The following BCAT1 variants were observed in gnomAD, a reference collection of about 807,000 sequenced individuals.
BCAT1 encodes branched chain amino acid transaminase 1.
BCAT1 carries 48 observed loss-of-function variants against 52.4 expected under a neutral mutation model. The ratio of observed to expected loss-of-function variants is 0.92; its 90% CI spans 0.73 to 1.16. The LOEUF (loss-of-function observed/expected upper bound fraction) is 1.16, where lower values mean the gene tolerates loss of function less well. Among genes scored for constraint, BCAT1 ranks in the 50% most tolerant of loss-of-function variants. The pLI, the probability that BCAT1 is intolerant of heterozygous loss-of-function variation, is 0.00. For missense variants in BCAT1, 451 were observed against 457.1 expected (o/e 0.99, Z 0.12); for synonymous variants, 167 against 161.3 (o/e 1.04, Z -0.27).
At chr12:24,869,221 T>C (rs1424436383) in intron 5 of BCAT1, among the ~76,000 whole-genome samples, 1 of 152,014 alleles carries the variant, frequency 6.6e-6, no homozygotes, top group African/African-American at 2.4e-5. Flanking sequence ...CTTTGGGAGT[T>C]TGGCAGTGAG....
At chr12:24,838,796 A>T (rs887671041) in intron 7 of BCAT1, among the ~76,000 whole-genome samples, 2 of 152,104 alleles carry the variant, frequency 1.3e-5, no homozygotes, top group Non-Finnish European at 2.9e-5. Flanking sequence ...GCCAGAAATC[A>T]CTCCAGATTG....
chr12:24,902,847 G>C (rs1223492999), intron 1 of BCAT1: 31 of 1,450,446 alleles, frequency 2.1e-5, no homozygotes, highest in East Asian at 5.6e-5. Flanking sequence ...GAAGGAGGAT[G>C]GTGCAGGAAA....
intron 5 of BCAT1, among the ~76,000 whole-genome samples, chr12:24,865,966 A>T (rs1323896692): frequency 6.6e-6 from 1 of 152,210 alleles, no homozygotes; most frequent in Non-Finnish European, 1.5e-5. Flanking sequence ...CTCGGCGCCC[A>T]TTCTGACCGC....
In BCAT1 at chr12:24,832,789, T is replaced by C; in HGVS notation, c.978A>G (p.Arg326=). 6.2e-7 allele frequency: 1 copy of C among 1,611,910 alleles called. No individual in the cohort carries two copies. Among genetic ancestry groups the C allele is most frequent in the East Asian group, 2.2e-5 (1 of 44,834 alleles). The change falls in exon 9 of 11, where the codon AGA becomes AGG. Residue 326 remains arginine, a synonymous_variant. Transcript: ENST00000261192. The part of the protein sequence containing the change: ...LTTALEGNRV[R]EMFGSGTACV... ...AGGCTGTACCAGAGCCAAACATCTC[T>C]CTCACTCTGTTCCCCTCCAGGGCTG... is the stretch of plus-strand genomic sequence containing the variant.
At chr12:24,902,010 G>A in intron 1 of BCAT1, 125 bp from the exon 2 acceptor site, 1 of 1,588,070 alleles carries the variant, frequency 6.3e-7, no homozygotes, top group Non-Finnish European at 8.5e-7. Context: ...CACAAAAAAG[G>A]AGGCTCAGAC....
chr12:24,927,136 A>T (rs1176532700), intron 1 of BCAT1, among the ~76,000 whole-genome samples: 2 of 152,196 alleles, frequency 1.3e-5, no homozygotes, highest in Non-Finnish European at 2.9e-5. Context: ...GTTAAATTTC[A>T]TCTCTTGGAT....
intron 1 of BCAT1, among the ~76,000 whole-genome samples, chr12:24,918,155 A>G (rs1376661345): frequency 6.6e-6 from 1 of 152,202 alleles, no homozygotes; most frequent in Non-Finnish European, 1.5e-5. Context: ...AAGAGGAAAG[A>G]GTTGAAGGGG....
chr12:24,887,417 C>T (rs1942713675), intron 3 of BCAT1, among the ~76,000 whole-genome samples: 1 of 152,122 alleles, frequency 6.6e-6, no homozygotes, highest in African/African-American at 2.4e-5. Flanking sequence ...TGCAAGCACA[C>T]ACACACACAT....
intron 5 of BCAT1, among the ~76,000 whole-genome samples, chr12:24,876,208 T>C (rs1484639166): frequency 1.4e-5 from 2 of 146,988 alleles, no homozygotes; most frequent in Admixed American, 1.4e-4. Flanking sequence ...CCATCGTAAG[T>C]TGGAGTGCAG....
At chr12:24,912,077 T>C (rs1033811717) in intron 1 of BCAT1, among the ~76,000 whole-genome samples, 1 of 152,128 alleles carries the variant, frequency 6.6e-6, no homozygotes, top group Non-Finnish European at 1.5e-5. Flanking sequence ...GCTGAGGAAA[T>C]TAATAGCAAA....
chr12:24,936,909 A>C (rs74070623), intron 1 of BCAT1, among the ~76,000 whole-genome samples: 25,432 of 152,016 alleles, frequency 0.17, 2,289 homozygotes, highest in East Asian at 0.29. Context: ...ACTTAATCAC[A>C]ATCTGCAAAA....
At chr12:24,888,036 TA>T (rs1275637434) in intron 3 of BCAT1, among the ~76,000 whole-genome samples, 1 of 152,318 alleles carries the variant, frequency 6.6e-6, no homozygotes, top group African/African-American at 2.4e-5. Flanking sequence ...TTATTGAACT[TA>T]AAAGTCAGGT....
At chr12:24,818,732 T>A (rs1218134374) in intron 10 of BCAT1, among the ~76,000 whole-genome samples, 1 of 152,218 alleles carries the variant, frequency 6.6e-6, no homozygotes, top group African/African-American at 2.4e-5. Context: ...TGTAACTGTA[T>A]CATAGTCAGA....
intron 5 of BCAT1, among the ~76,000 whole-genome samples, chr12:24,866,066 A>T (rs550763550): frequency 6.6e-6 from 1 of 152,172 alleles, no homozygotes; most frequent in African/African-American, 2.4e-5. Context: ...GTTTGCAGGG[A>T]GGTGTGGAGG....
chr12:24,834,889 A>G (rs923264332), intron 8 of BCAT1: 6 of 724,246 alleles, frequency 8.3e-6, no homozygotes, highest in African/African-American at 7.7e-5. Context: ...ATCTTTGGAC[A>G]ATTTCCCCTA....
rs769113205 is a variant in BCAT1 at position 24,849,757 on chromosome 12, C to T, written c.674+29G>A. ...ACTAAATGGTCATGAAGGTGTCTTTCCTTTAGACAGAGACACAGATTTACT... is the reference window on the plus strand; with the variant it reads ...ACTAAATGGTCATGAAGGTGTCTTTTCTTTAGACAGAGACACAGATTTACT... On this transcript the variant is annotated intron_variant, in intron 6 of 10. Coordinates refer to ENST00000261192, the MANE Select transcript of BCAT1 (RefSeq NM_005504.7). 8.8e-6 allele frequency: 14 copies of T among 1,589,816 alleles called. No homozygotes were observed. The South Asian group carries it at 1.6e-4, about 18-fold the overall frequency.
intron 5 of BCAT1, among the ~76,000 whole-genome samples, chr12:24,872,417 A>T (rs187922900): frequency 2.6e-4 from 40 of 152,364 alleles, no homozygotes; most frequent in African/African-American, 8.7e-4. Context: ...TTCATAATGT[A>T]AGATTTCCCA....
At chr12:24,941,114 C>T (rs960940823) in intron 1 of BCAT1, among the ~76,000 whole-genome samples, 1 of 152,208 alleles carries the variant, frequency 6.6e-6, no homozygotes, top group Non-Finnish European at 1.5e-5. Context: ...AATCTGAAAA[C>T]TAGTGATTGA....
intron 10 of BCAT1, among the ~76,000 whole-genome samples, chr12:24,824,996 T>C (rs1280756834): frequency 1.3e-5 from 2 of 152,108 alleles, no homozygotes; most frequent in Non-Finnish European, 2.9e-5. Context: ...TGAGAACATG[T>C]GATGTTTGTC....
Sources: allele counts gnomAD v4.1 joint callset (sites outside exome capture counted in the v4.1 genomes callset), GRCh38; gene constraint gnomAD v4.1.1; transcripts MANE v1.5; gene names NCBI Gene and HGNC (gene_info 2026-07-23, HGNC 2026-07-21).